The following TMEM260 variants were observed in gnomAD, a reference collection of about 807,000 sequenced individuals.
TMEM260 encodes protein O-mannosyl-transferase TMEM260.
In TMEM260, 82 loss-of-function variants were observed where a neutral mutation model predicts 88.9. The ratio of observed to expected loss-of-function variants is 0.92; its 90% CI spans 0.77 to 1.11. TMEM260 has a LOEUF of 1.11. Among genes scored for constraint, TMEM260 ranks in the 50% least tolerant of loss-of-function variants. TMEM260 has a pLI of 0.00. For synonymous variants in TMEM260, 314 were observed against 309.3 expected, an observed-to-expected ratio of 1.02 and a Z score of -0.16; for missense variants, 902 against 853.4, an observed-to-expected ratio of 1.06 and a Z score of -0.71.
the TMEM260 span, among the ~76,000 whole-genome samples, chr14:56,659,354 CA>C: frequency 6.6e-6 from 1 of 151,146 alleles, no homozygotes. Flanking sequence ...GGCCTCAAGA[CA>C]AACAATAGAT....
intron 12 of TMEM260, among the ~76,000 whole-genome samples, chr14:56,628,986 C>G (rs1254021148): frequency 6.6e-6 from 1 of 151,902 alleles, no homozygotes; most frequent in Non-Finnish European, 1.5e-5. Context: ...ACCTCCACCT[C>G]CCAGGTTATA....
At chr14:56,595,648 T>C (rs1402839720) in intron 3 of TMEM260, among the ~76,000 whole-genome samples, 7 of 151,922 alleles carry the variant, frequency 4.6e-5, no homozygotes, top group Non-Finnish European at 1.0e-4. Context: ...CCAGCTAATT[T>C]TTATTTATTT....
chr14:56,596,623 C>T (rs1183713435), intron 3 of TMEM260, among the ~76,000 whole-genome samples: 1 of 149,930 alleles, frequency 6.7e-6, no homozygotes. Flanking sequence ...ATTAGCCAGG[C>T]GTGGTGGTGC....
chr14:56,654,749 G>A (rs528507079), downstream of TMEM260, among the ~76,000 whole-genome samples: 73 of 144,336 alleles, frequency 5.1e-4, no homozygotes, highest in Middle Eastern at 7.6e-3. Context: ...GGGAGGCAGA[G>A]GTTGCAGTGA....
At chr14:56,634,458 A>G (rs549378699) in intron 13 of TMEM260, among the ~76,000 whole-genome samples, 1 of 152,332 alleles carries the variant, frequency 6.6e-6, no homozygotes, top group East Asian at 1.9e-4. Context: ...TTAGGAGAAC[A>G]AGTTTATTAA....
At chr14:56,640,043 T>C (rs1348683119) in intron 15 of TMEM260, among the ~76,000 whole-genome samples, 1 of 152,228 alleles carries the variant, frequency 6.6e-6, no homozygotes, top group Non-Finnish European at 1.5e-5. Context: ...CCTTCCTGCC[T>C]GCCTCTGTAG....
At chr14:56,646,243 A>G (rs1409498768) in intron 15 of TMEM260, among the ~76,000 whole-genome samples, 1 of 152,256 alleles carries the variant, frequency 6.6e-6, no homozygotes, top group African/African-American at 2.4e-5. Flanking sequence ...ATAGGTATGC[A>G]TTTGTTTGCC....
At chr14:56,586,538 C>T (rs917256892) in intron 3 of TMEM260, among the ~76,000 whole-genome samples, 1 of 152,066 alleles carries the variant, frequency 6.6e-6, no homozygotes, top group Non-Finnish European at 1.5e-5. Context: ...GCTGGTAACC[C>T]ATTGTCTTTG....
At chr14:56,653,743 A>AAAAAACAAACAAACAAAC (rs1555343583), downstream of TMEM260, among the ~76,000 whole-genome samples, 117 of 134,252 alleles carry the variant, frequency 8.7e-4, 3 homozygotes, top group African/African-American at 3.3e-3. Flanking sequence ...CTCCAAAACA[A>AAAAAACAAACAAACAAAC]AAAAAAAAAA....
At chr14:56,645,562 G>A (rs934245375) in intron 15 of TMEM260, among the ~76,000 whole-genome samples, 10 of 152,142 alleles carry the variant, frequency 6.6e-5, no homozygotes, top group African/African-American at 2.4e-4. Flanking sequence ...GGTAATGGGT[G>A]CAGCACACCA....
At chr14:56,647,194 A>T (rs770014035) in intron 15 of TMEM260, 49 bp from the exon 16 acceptor site, 1 of 1,538,410 alleles carries the variant, frequency 6.5e-7, no homozygotes, top group Middle Eastern at 1.7e-4. Context: ...TTGAAAAAAA[A>T]AAAGTCAAAG....
chr14:56,643,562 G>C (rs1463476654), intron 15 of TMEM260, among the ~76,000 whole-genome samples: 4 of 152,058 alleles, frequency 2.6e-5, no homozygotes, highest in South Asian at 2.1e-4. Context: ...CATACTGAAT[G>C]GGCAAAAACT....
chr14:56,604,647 T>G (rs1020448964), intron 4 of TMEM260, among the ~76,000 whole-genome samples: 5 of 151,838 alleles, frequency 3.3e-5, no homozygotes, highest in Non-Finnish European at 5.9e-5. Context: ...TTAGAGGGGG[T>G]TTTTGGCTTA....
intron 3 of TMEM260, among the ~76,000 whole-genome samples, chr14:56,601,428 A>G (rs1050243909): frequency 6.6e-6 from 1 of 152,060 alleles, no homozygotes; most frequent in East Asian, 1.9e-4. Context: ...TGTTTGTCCT[A>G]TTACTAATGC....
rs775105891 is a variant in TMEM260, at chr14:56,636,613, T to TGTTAC, written c.1869+15_1869+16insGTTAC. 2 of 1,601,076 alleles carry TGTTAC rather than the reference T, an allele frequency of 1.2e-6. No homozygotes were observed. Among genetic ancestry groups the TGTTAC allele is most frequent in the Admixed American group, 3.3e-5 (2 of 59,982 alleles). ...AAGCATATGACGTATGTTACACTTT[T>TGTTAC]ATATGTAGATATAGATATATTTGGT... On this transcript the variant is annotated intron_variant, in intron 15 of 15. Coordinates refer to ENST00000261556, the MANE Select transcript of TMEM260 (RefSeq NM_017799.4).
chr14:56,589,350 A>C (rs1400305857), intron 3 of TMEM260, among the ~76,000 whole-genome samples: 1 of 152,128 alleles, frequency 6.6e-6, no homozygotes, highest in Non-Finnish European at 1.5e-5. Flanking sequence ...GCCAAATGGA[A>C]CTATAGAATT....
At chr14:56,610,817 T>A (rs1887212425) in intron 6 of TMEM260, among the ~76,000 whole-genome samples, 1 of 152,154 alleles carries the variant, frequency 6.6e-6, no homozygotes, top group Admixed American at 6.5e-5. Flanking sequence ...CAAGTTATAA[T>A]GAATTTTAAT....
At chr14:56,631,883 A>G (rs146330022) in intron 12 of TMEM260, among the ~76,000 whole-genome samples, 41 of 152,208 alleles carry the variant, frequency 2.7e-4, no homozygotes, top group African/African-American at 9.6e-4. Flanking sequence ...ACCAGTTACT[A>G]TTTTAGAGAA....
chr14:56,588,084 T>A (rs1418632650), intron 3 of TMEM260, among the ~76,000 whole-genome samples: 1 of 152,082 alleles, frequency 6.6e-6, no homozygotes, highest in Non-Finnish European at 1.5e-5. Context: ...GACTCCCTTA[T>A]CAGAATTTGT....
Sources: allele counts gnomAD v4.1 joint callset (sites outside exome capture counted in the v4.1 genomes callset), GRCh38; gene constraint gnomAD v4.1.1; transcripts MANE v1.5; gene names NCBI Gene and HGNC (gene_info 2026-07-23, HGNC 2026-07-21).